Variants in SPATA13 observed in about 807,000 individuals in gnomAD.
SPATA13 encodes the protein spermatogenesis-associated protein 13.
In SPATA13, 50 loss-of-function variants were observed where a neutral mutation model predicts 104.0. The ratio of observed to expected loss-of-function variants is 0.48; its 90% CI spans 0.38 to 0.61. The LOEUF (loss-of-function observed/expected upper bound fraction) is 0.61. Among genes scored for constraint, SPATA13 ranks in the 20% least tolerant of loss-of-function variants. SPATA13 has a pLI of 0.00. For missense variants in SPATA13, 1,524 were observed against 1,690.6 expected, an observed-to-expected ratio of 0.90 and a Z score of 1.73; for synonymous variants, 606 against 667.5, an observed-to-expected ratio of 0.91 and a Z score of 1.42.
chr13:24,249,627 T>A lies in SPATA13; in HGVS notation c.1804T>A (p.Ser602Thr), dbSNP rs1230945961. The A allele has an allele frequency of 1.4e-5, 22 of 1,613,614 alleles. No homozygotes were observed. Among genetic ancestry groups the A allele is most frequent in the Non-Finnish European group, 1.9e-5 (22 of 1,179,808 alleles). ...DYGQLASRSL[S>T]IPEDSVAADP... Reference sequence around the variant, plus strand: ...CGGCCAGCTGGCCAGCCGCAGTTTGTCTATTCCTGAAGACTCGGTTGCTGC... The same window carrying A: ...CGGCCAGCTGGCCAGCCGCAGTTTGACTATTCCTGAAGACTCGGTTGCTGC... The change falls in exon 3 of 13, where the codon TCT (serine) becomes ACT (threonine). Residue 602 changes from serine to threonine, a missense_variant. Transcript: ENST00000382108.
At chr13:24,182,748 T>A (rs898619188) in intron 1 of SPATA13, among the ~76,000 whole-genome samples, 4 of 152,206 alleles carry the variant, frequency 2.6e-5, no homozygotes, top group Admixed American at 6.5e-5. Context: ...TTTCCTTTAA[T>A]TTTTTAAAAC....
At chr13:24,031,858 A>G (rs541957972) in intron 3 of SPATA13, among the ~76,000 whole-genome samples, 1 of 152,338 alleles carries the variant, frequency 6.6e-6, no homozygotes, top group African/African-American at 2.4e-5. Context: ...TATTCTGTGT[A>G]CCATATTTAC....
At chr13:24,180,740 A>G (rs1868745689) in intron 1 of SPATA13, among the ~76,000 whole-genome samples, 1 of 152,196 alleles carries the variant, frequency 6.6e-6, no homozygotes, top group Non-Finnish European at 1.5e-5. Flanking sequence ...TGATGCTATT[A>G]TAGATGGGAT....
chr13:24,165,858 G>A (rs1410748620), intron 1 of SPATA13, among the ~76,000 whole-genome samples: 1 of 152,234 alleles, frequency 6.6e-6, no homozygotes, highest in African/African-American at 2.4e-5. Context: ...CTAGCTCTTA[G>A]TCACCATGGG....
At chr13:24,125,112 CT>C (rs1881167356) in intron 3 of SPATA13, among the ~76,000 whole-genome samples, 2 of 152,228 alleles carry the variant, frequency 1.3e-5, no homozygotes, top group Non-Finnish European at 2.9e-5. Flanking sequence ...TCTCCAACCC[CT>C]GGACCCATAC....
At chr13:24,302,556 G>T in intron 12 of SPATA13, 42 bp from the exon 13 acceptor site, 1 of 1,362,282 alleles carries the variant, frequency 7.3e-7, no homozygotes, top group Non-Finnish European at 9.7e-7. Context: ...GTTAACAAGC[G>T]ACCCTCAGTC....
chr13:24,251,680 C>T (rs776134336), intron 3 of SPATA13, 38 bp from the exon 4 acceptor site: 1 of 1,609,790 alleles, frequency 6.2e-7, no homozygotes, highest in Non-Finnish European at 8.5e-7. Context: ...GCTGCCACTT[C>T]CTGGTACCTC....
chr13:24,189,733 A>C, intron 1 of SPATA13, among the ~76,000 whole-genome samples: 1 of 89,932 alleles, frequency 1.1e-5, no homozygotes, highest in African/African-American at 4.8e-5. Context: ...AATATATAAT[A>C]TATTATATAT....
In SPATA13 at chr13:24,286,620, C is replaced by T. The variant is rs1471464517; in HGVS notation, c.2482-145C>T. ...TCGTGCCTGCTGGCATAGCCGCAGC[C>T]CTGCTGAGGCCATGAGACTCAGGCG... On this transcript the variant is annotated intron_variant, in intron 6 of 12. Coordinates refer to ENST00000382108, the MANE Select transcript of SPATA13 (RefSeq NM_001166271.3). The surrounding 1 kb of genome is among the most constrained non-coding windows in gnomAD (Gnocchi z 4.9). 3 of 844,106 alleles carry T rather than the reference C, an allele frequency of 3.6e-6. No homozygotes were observed. The highest frequency in any genetic ancestry group is 3.4e-5 in the African/African-American group (2 of 58,188). 52.3% of individuals were successfully genotyped at this position (844,106 alleles called of 1,614,324 possible). A position where few individuals can be genotyped will look rare whatever the true frequency, so the allele number is the denominator to read the frequency against.
At chr13:24,189,842 AT>A (rs1869469909) in intron 1 of SPATA13, among the ~76,000 whole-genome samples, 3 of 37,684 alleles carry the variant, frequency 8.0e-5, no homozygotes, top group African/African-American at 2.2e-4. Flanking sequence ...ATGATATTTA[AT>A]ATATTATATT....
At chr13:24,238,112 C>T (rs1480006258) in intron 2 of SPATA13, among the ~76,000 whole-genome samples, 1 of 145,622 alleles carries the variant, frequency 6.9e-6, no homozygotes, top group Non-Finnish European at 1.5e-5. Context: ...CACTTTCCAG[C>T]CCAAACCAGT....
chr13:24,220,326 G>A (rs984602449), intron 1 of SPATA13, among the ~76,000 whole-genome samples: 2 of 152,186 alleles, frequency 1.3e-5, no homozygotes, highest in East Asian at 3.8e-4. Flanking sequence ...TCAGGAAGCT[G>A]TCTAATCCCC....
chr13:24,270,884 A>C, intron 4 of SPATA13: 1 of 1,612,600 alleles, frequency 6.2e-7, no homozygotes, highest in Non-Finnish European at 8.5e-7. Flanking sequence ...AGATAGCAAG[A>C]TTCTGGAGTC....
chr13:24,277,444 A>AG (rs1875091561), intron 4 of SPATA13, among the ~76,000 whole-genome samples: 2 of 22,970 alleles, frequency 8.7e-5, no homozygotes, highest in Non-Finnish European at 6.7e-4. Flanking sequence ...ACTCCGTCTC[A>AG]AAAAAAAAAA....
intron 3 of SPATA13, among the ~76,000 whole-genome samples, chr13:24,106,932 G>A (rs929221098): frequency 1.3e-5 from 2 of 152,240 alleles, no homozygotes; most frequent in Non-Finnish European, 2.9e-5. Context: ...ATGTAGTGAA[G>A]TCTGTGCACT....
At chr13:24,130,752 A>G (rs1257961492) in intron 3 of SPATA13, among the ~76,000 whole-genome samples, 1 of 152,248 alleles carries the variant, frequency 6.6e-6, no homozygotes, top group Non-Finnish European at 1.5e-5. Context: ...GACTGTGAAG[A>G]CAGAAATCAA....
rs949245866 is a variant in SPATA13, at chr13:24,001,003, C to T, written c.-146-16664C>T. On this transcript the variant is annotated intron_variant, in intron 2 of 14. Coordinates refer to the SPATA13 transcript ENST00000424834. The stretch of plus-strand genomic sequence containing the variant: ...ACTGTTTTTCAGCTTCTCCCCACTC[C>T]GAGTTCTTGGCTGCTGTGCTCTGTG... 6.0e-4 allele frequency among the ~76,000 whole-genome samples: 92 copies of T among 152,218 alleles called. 1 individual carries two copies. Among genetic ancestry groups the T allele is most frequent in the Middle Eastern group, 3.4e-3 (1 of 294 alleles).
At chr13:24,196,451 A>G (rs1333332584) in intron 1 of SPATA13, among the ~76,000 whole-genome samples, 1 of 152,226 alleles carries the variant, frequency 6.6e-6, no homozygotes, top group Non-Finnish European at 1.5e-5. Context: ...ACAGTGTACT[A>G]GAAAATGTTC....
At chr13:24,058,184 A>G (rs1460358862) in intron 3 of SPATA13, among the ~76,000 whole-genome samples, 1 of 151,876 alleles carries the variant, frequency 6.6e-6, no homozygotes, top group Non-Finnish European at 1.5e-5. Flanking sequence ...AACCAAACCC[A>G]GAAAGCTTAC....
Sources: allele counts gnomAD v4.1 joint callset (sites outside exome capture counted in the v4.1 genomes callset), GRCh38; gene constraint gnomAD v4.1.1; non-coding constraint Gnocchi (gnomAD v3.1); transcripts MANE v1.5; gene names NCBI Gene and HGNC (gene_info 2026-07-23, HGNC 2026-07-21).